Variants in TMEM165 observed in about 807,000 individuals in gnomAD.
The protein encoded by TMEM165 is putative divalent cation/proton antiporter TMEM165.
A neutral mutation model predicts 30.0 loss-of-function variants in TMEM165; 19 were observed. The observed-to-expected ratio is 0.63, with a 90% CI of 0.44 to 0.93. TMEM165 has a LOEUF of 0.93. Among genes scored for constraint, TMEM165 ranks in the 40% least tolerant of loss-of-function variants. The pLI is 0.00. For missense variants in TMEM165, 340 were observed against 417.0 expected, an observed-to-expected ratio of 0.82 and a Z score of 1.61; for synonymous variants, 168 against 162.9, an observed-to-expected ratio of 1.03 and a Z score of -0.24.
chr4:55,407,764 G>C (rs1330919819), intron 1 of TMEM165, among the ~76,000 whole-genome samples: 1 of 152,236 alleles, frequency 6.6e-6, no homozygotes. Flanking sequence ...GAAGTAACAT[G>C]AAATTAGTTT....
downstream of TMEM165, chr4:55,428,416 G>C (rs1201056299): frequency 6.6e-6 from 1 of 152,174 alleles, no homozygotes; most frequent in Non-Finnish European, 1.5e-5. Flanking sequence ...ATGAAAATCA[G>C]AGAACCTAAT....
intron 2 of TMEM165, among the ~76,000 whole-genome samples, chr4:55,416,517 TAAG>T (rs1021905719): frequency 1.3e-5 from 2 of 152,048 alleles, no homozygotes; most frequent in African/African-American, 4.8e-5. Flanking sequence ...TTTAATATAA[TAAG>T]AAATTTTTAG....
At chr4:55,453,125 C>T in exon 4 of TMEM165, 4 of 1,612,530 alleles carry the variant, frequency 2.5e-6, no homozygotes, top group Non-Finnish European at 3.4e-6. Flanking sequence ...CTAACTTCTG[C>T]ATAACTACAA....
chr4:55,405,943 CAG>C lies in TMEM165; in HGVS notation c.208-5669_208-5668del, dbSNP rs1452040085. ...CTTCTGATGGTTTACTTCTTGTTCTCAGAACATGCCTATATTCTTTCACATTG... is the reference window on the plus strand; with the variant it reads ...CTTCTGATGGTTTACTTCTTGTTCTCAACATGCCTATATTCTTTCACATTG... On this transcript the variant is annotated intron_variant, in intron 1 of 5. Coordinates refer to ENST00000381334, the MANE Select transcript of TMEM165 (RefSeq NM_018475.5). Among the ~76,000 whole-genome samples, 3 of 152,318 alleles carry C rather than the reference CAG, an allele frequency of 2.0e-5. No homozygotes were observed. In the East Asian group the frequency reaches 5.8e-4, roughly 29 times the overall value.
intron 4 of TMEM165, among the ~76,000 whole-genome samples, chr4:55,419,064 A>G (rs759881259): frequency 6.6e-6 from 1 of 152,080 alleles, no homozygotes; most frequent in Non-Finnish European, 1.5e-5. Flanking sequence ...AATAAATAAT[A>G]TATAAAAAGA....
chr4:55,429,113 T>A (rs1203257607), downstream of TMEM165: 1 of 152,084 alleles, frequency 6.6e-6, no homozygotes, highest in Non-Finnish European at 1.5e-5. Context: ...TTGCCAGCAG[T>A]GAACTTGCAC....
At chr4:55,446,108 T>C (rs1478544632) in intron 3 of TMEM165, among the ~76,000 whole-genome samples, 3 of 149,760 alleles carry the variant, frequency 2.0e-5, no homozygotes, top group Admixed American at 6.6e-5. Context: ...CTTCTTTTTT[T>C]TTTTTTTTTT....
At chr4:55,414,386 G>C (rs769493462) in intron 2 of TMEM165, among the ~76,000 whole-genome samples, 22 of 151,796 alleles carry the variant, frequency 1.4e-4, no homozygotes, top group Non-Finnish European at 7.4e-5. Flanking sequence ...TAAATCATAT[G>C]TGTTTATTTC....
At chr4:55,440,277 C>T (rs1200427570) in intron 3 of TMEM165, among the ~76,000 whole-genome samples, 3 of 152,128 alleles carry the variant, frequency 2.0e-5, no homozygotes, top group African/African-American at 4.8e-5. Context: ...AATTCATCAA[C>T]GCAGCATAGC....
At chr4:55,398,109 A>G (rs1235308311) in intron 1 of TMEM165, among the ~76,000 whole-genome samples, 2 of 152,172 alleles carry the variant, frequency 1.3e-5, no homozygotes, top group Admixed American at 6.5e-5. Flanking sequence ...TCTGTGTAAG[A>G]CCGTAGGATA....
intron 2 of TMEM165, among the ~76,000 whole-genome samples, chr4:55,414,139 G>A (rs573925963): frequency 7.1e-4 from 108 of 152,118 alleles, no homozygotes; most frequent in Middle Eastern, 3.4e-3. Context: ...GCTTGGTGGC[G>A]GGCATCTGTA....
chr4:55,398,389 A>T (rs1204841949), intron 1 of TMEM165, among the ~76,000 whole-genome samples: 1 of 152,238 alleles, frequency 6.6e-6, no homozygotes, highest in Non-Finnish European at 1.5e-5. Context: ...TGTAAGGAAT[A>T]GTGGTTTAAT....
At chr4:55,436,013 C>T (rs1722851178) in intron 3 of TMEM165, among the ~76,000 whole-genome samples, 1 of 152,132 alleles carries the variant, frequency 6.6e-6, no homozygotes, top group Non-Finnish European at 1.5e-5. Flanking sequence ...TAGAGCGGCA[C>T]AGTTAAGTGG....
intron 3 of TMEM165, chr4:55,442,390 G>A (rs371728500): frequency 5.9e-5 from 90 of 1,515,882 alleles, no homozygotes; most frequent in African/African-American, 2.9e-4. Context: ...CTAATCAATC[G>A]GTTTACAATT....
intron 1 of TMEM165, among the ~76,000 whole-genome samples, chr4:55,396,702 A>G (rs972137348): frequency 2.0e-5 from 3 of 152,184 alleles, no homozygotes; most frequent in Non-Finnish European, 2.9e-5. Flanking sequence ...AGTAGCTAGA[A>G]AGACTCATCC....
At position 55,411,678 on chromosome 4, in the gene TMEM165, T is replaced by A. The variant is rs1254356508; in HGVS notation, c.272T>A (p.Leu91Ter). 1.2e-6 allele frequency: 2 copies of A among 1,614,184 alleles called. No homozygotes were observed. Among genetic ancestry groups the A allele is most frequent in the Admixed American group, 3.3e-5 (2 of 60,026 alleles). ...NKEDPATQTN[L>*]GFIHAFVAAI... Reference sequence around the variant, plus strand: ...GAAGATCCTGCTACCCAAACTAATTTGGGATTTATCCATGCATTTGTCGCT... The same window carrying A: ...GAAGATCCTGCTACCCAAACTAATTAGGGATTTATCCATGCATTTGTCGCT... The change falls in exon 2 of 6, where the codon TTG (leucine) becomes TAG (stop). Residue 91 changes from leucine (L) to a stop codon, truncating the protein, a stop_gained. Transcript: ENST00000381334. LOFTEE classifies it high-confidence loss of function.
Position 55,437,288 on chromosome 4 carries a change from C to T in TMEM165, c.408+12645C>T, listed in dbSNP as rs976890499. Among the ~76,000 whole-genome samples, 11 of 152,160 alleles carry T rather than the reference C, an allele frequency of 7.2e-5. No homozygotes were observed. The South Asian group carries it at 1.0e-3, about 14-fold the overall frequency. ...AATAATCACATCACATGTTATATAA[C>T]CCAGAAATTGATGATAAGTGCCCAG... On this transcript the variant is annotated intron_variant, in intron 3 of 3. Coordinates refer to the TMEM165 transcript ENST00000608091.
chr4:55,411,334 G>A (rs1395544558), intron 1 of TMEM165, among the ~76,000 whole-genome samples: 1 of 152,024 alleles, frequency 6.6e-6, no homozygotes, highest in East Asian at 1.9e-4. Flanking sequence ...TGGATTTCTG[G>A]ATTAGGGGTA....
chr4:55,417,004 C>A, intron 2 of TMEM165, 68 bp from the exon 3 acceptor site: 1 of 1,348,724 alleles, frequency 7.4e-7, no homozygotes, highest in South Asian at 1.5e-5. Context: ...TTATTATTTC[C>A]GAAGTTAACT....
Sources: gnomAD v4.1 joint callset for allele counts (sites outside exome capture counted in the v4.1 genomes callset) on GRCh38, gnomAD v4.1.1 for gene constraint, MANE v1.5 for transcripts, NCBI Gene and HGNC (gene_info 2026-07-23, HGNC 2026-07-21) for gene names.